Variants in DMD observed in about 807,000 individuals in gnomAD.
The protein encoded by DMD is mutant dystrophin.
In DMD, 63 loss-of-function variants were observed where a neutral mutation model predicts 330.1. That is an observed-to-expected ratio of 0.19 (90% CI 0.16 to 0.24). The LOEUF (loss-of-function observed/expected upper bound fraction) is 0.24. Ranked by LOEUF, DMD falls within the 10% of genes least tolerant of loss-of-function variation. The pLI is 1.00. For synonymous variants in DMD, 1,223 were observed against 959.8 expected (o/e 1.27, Z -5.07); for missense variants, 3,344 against 2,684.1 (o/e 1.25, Z -5.43).
intron 55 of DMD, among the ~76,000 whole-genome samples, chrX:31,592,332 TA>T (rs993149205): frequency 2.0e-5 from 2 of 100,168 alleles, no homozygotes; most frequent in African/African-American, 3.6e-5. Flanking sequence ...GTAGGCACAG[TA>T]AAAAAAAAGT....
chrX:32,412,504 T>C, intron 29 of DMD, among the ~76,000 whole-genome samples: 1 of 112,345 alleles, frequency 8.9e-6, no homozygotes, highest in South Asian at 3.7e-4. Context: ...GTTTGTACAA[T>C]TGGGTTTATG....
At chrX:33,182,333 T>C (rs1257707354) in intron 1 of DMD, among the ~76,000 whole-genome samples, 1 of 112,047 alleles carries the variant, frequency 8.9e-6, no homozygotes. Flanking sequence ...GGTGAGATCA[T>C]GACTCACTGT....
At chrX:32,637,855 G>A (rs1212641211) in intron 11 of DMD, among the ~76,000 whole-genome samples, 1 of 111,539 alleles carries the variant, frequency 9.0e-6, no homozygotes, top group Admixed American at 9.5e-5. Context: ...CAACACATGG[G>A]GATTATGAGA....
chrX:32,674,457 T>C (rs2061836669), intron 9 of DMD, among the ~76,000 whole-genome samples: 1 of 111,810 alleles, frequency 8.9e-6, no homozygotes, highest in Non-Finnish European at 1.9e-5. Flanking sequence ...AGGAGGACTG[T>C]AGTAAGCACT....
chrX:31,280,790 T>C (rs1453512792), intron 62 of DMD, among the ~76,000 whole-genome samples: 1 of 111,452 alleles, frequency 9.0e-6, no homozygotes, highest in African/African-American at 3.3e-5. Context: ...AAACATTAGA[T>C]TCACAAGTGA....
intron 59 of DMD, among the ~76,000 whole-genome samples, chrX:31,457,001 A>G (rs934675253): frequency 2.8e-5 from 3 of 108,709 alleles, no homozygotes; most frequent in African/African-American, 1.0e-4. Flanking sequence ...ATATTATGAG[A>G]AGTTGAGTCA....
chrX:32,423,562 T>C (rs1204891699), intron 29 of DMD, among the ~76,000 whole-genome samples: 1 of 110,938 alleles, frequency 9.0e-6, no homozygotes, highest in African/African-American at 3.3e-5. Context: ...TATTCTATAA[T>C]AGGCATACAG....
intron 1 of DMD, among the ~76,000 whole-genome samples, chrX:33,111,021 CA>C (rs2095335608): frequency 9.0e-6 from 1 of 111,333 alleles, no homozygotes; most frequent in African/African-American, 3.3e-5. Context: ...TGCTTATACA[CA>C]GATGCTTGAA....
At chrX:32,332,230 C>T (rs1016961243) in intron 41 of DMD, among the ~76,000 whole-genome samples, 1 of 110,963 alleles carries the variant, frequency 9.0e-6, no homozygotes, top group Non-Finnish European at 1.9e-5. Flanking sequence ...TACCTAGTCA[C>T]TGTTTTGGGT....
rs1052277466 is a variant in DMD at position 32,689,264 on chromosome X, C to G, written c.960+8606G>C. Reference sequence around the variant, plus strand: ...TATAACACAATAACGCTCCTTTAATCTTCATAAAGAGACCACTATGAACAA... The same window carrying G: ...TATAACACAATAACGCTCCTTTAATGTTCATAAAGAGACCACTATGAACAA... On this transcript the variant is annotated intron_variant, in intron 9 of 78. Coordinates refer to ENST00000357033, the MANE Select transcript of DMD (RefSeq NM_004006.3). Among the ~76,000 whole-genome samples the G allele has an allele frequency of 6.3e-5, 7 of 110,285 alleles. No individual in the cohort carries two copies. In the South Asian group the frequency reaches 1.9e-3, roughly 30 times the overall value.
chrX:32,842,644 T>C (rs1345345422), intron 4 of DMD, among the ~76,000 whole-genome samples: 1 of 111,259 alleles, frequency 9.0e-6, no homozygotes. Context: ...ATTCAGTGTT[T>C]AGCTCGTACT....
chrX:33,055,266 G>A (rs1474634010), intron 1 of DMD, among the ~76,000 whole-genome samples: 1 of 111,610 alleles, frequency 9.0e-6, no homozygotes, highest in Non-Finnish European at 1.9e-5. Context: ...GATGAGGCCT[G>A]ATGTGACTTG....
At chrX:32,739,355 A>T (rs1365194371) in intron 7 of DMD, among the ~76,000 whole-genome samples, 3 of 111,936 alleles carry the variant, frequency 2.7e-5, no homozygotes, top group South Asian at 3.7e-4. Flanking sequence ...GGAATAAAAA[A>T]TTAAGTGTTT....
chrX:32,971,108 C>A (rs1041288135), intron 2 of DMD, among the ~76,000 whole-genome samples: 3 of 110,778 alleles, frequency 2.7e-5, no homozygotes, highest in African/African-American at 9.9e-5. Context: ...ATTACAGATG[C>A]CTGCCACCAG....
At chrX:32,472,862 T>A (rs193242795) in intron 21 of DMD, among the ~76,000 whole-genome samples, 1 of 111,299 alleles carries the variant, frequency 9.0e-6, no homozygotes, top group Non-Finnish European at 1.9e-5. Flanking sequence ...ATAAATATTA[T>A]CATTCTTAAT....
chrX:32,834,005 G>C (rs959084669), intron 4 of DMD, among the ~76,000 whole-genome samples: 8 of 111,237 alleles, frequency 7.2e-5, no homozygotes, highest in African/African-American at 2.6e-4. Flanking sequence ...CCTTGCAACT[G>C]AATGTGAGTT....
intron 43 of DMD, among the ~76,000 whole-genome samples, chrX:32,270,541 G>A (rs2097361507): frequency 8.9e-6 from 1 of 112,100 alleles, no homozygotes; most frequent in Non-Finnish European, 1.9e-5. Context: ...CTTGAAATGG[G>A]TTCACTAACT....
intron 59 of DMD, among the ~76,000 whole-genome samples, chrX:31,458,914 T>A (rs2149154779): frequency 9.0e-6 from 1 of 111,013 alleles, no homozygotes; most frequent in South Asian, 3.8e-4. Context: ...GTTCCAAAGG[T>A]AATATTTTAT....
At chrX:33,193,264 A>C (rs1324693355) in intron 1 of DMD, among the ~76,000 whole-genome samples, 1 of 112,074 alleles carries the variant, frequency 8.9e-6, no homozygotes, top group Non-Finnish European at 1.9e-5. Context: ...CCGAGATCAC[A>C]CAACTGCATT....
Sources: gnomAD v4.1 joint callset for allele counts (sites outside exome capture counted in the v4.1 genomes callset) on GRCh38, gnomAD v4.1.1 for gene constraint, MANE v1.5 for transcripts, NCBI Gene and HGNC (gene_info 2026-07-23, HGNC 2026-07-21) for gene names.